PCLO: variants seen among roughly 807,000 people sequenced by gnomAD.
The protein encoded by PCLO is protein piccolo.
Under a neutral mutation model 427.5 loss-of-function variants are expected in PCLO, and 82 were observed. That is an observed-to-expected ratio of 0.19 (90% CI 0.16 to 0.23). The LOEUF is 0.23. PCLO is among the 10% of genes least tolerant of loss of function. The pLI is 1.00. For missense variants in PCLO, 6,239 were observed against 6,115.9 expected (o/e 1.02, Z -0.67); for synonymous variants, 2,357 against 2,155.4 (o/e 1.09, Z -2.59).
At chr7:83,118,729 G>T (rs540435054) in intron 3 of PCLO, among the ~76,000 whole-genome samples, 1 of 152,252 alleles carries the variant, frequency 6.6e-6, no homozygotes, top group African/African-American at 2.4e-5. Context: ...ACTACCAGTG[G>T]ACTAAAGTGC....
intron 3 of PCLO, among the ~76,000 whole-genome samples, chr7:82,978,757 TGAAATTTATTATGA>T (rs1355446891): frequency 1.3e-5 from 2 of 150,696 alleles, no homozygotes; most frequent in Non-Finnish European, 2.9e-5. Flanking sequence ...CTTAATAAAG[TGAAATTTATTATGA>T]GCTGTGGCAG....
rs1304084553 is a variant in PCLO at position 82,771,182 on chromosome 7, T to C, written c.15008-9689A>G. On this transcript the variant is annotated intron_variant, in intron 22 of 24. Transcript: ENST00000333891. The stretch of plus-strand genomic sequence containing the variant: ...AATTAGCCTGCTTATACAATGAAAA[T>C]TGTATGAAAATGGAGCCACTAGCTA... Among the ~76,000 whole-genome samples, 7 of 152,016 alleles carry C rather than the reference T, an allele frequency of 4.6e-5. No individual in the cohort carries two copies. The East Asian group carries it at 1.2e-3, about 25-fold the overall frequency.
intron 3 of PCLO, among the ~76,000 whole-genome samples, chr7:83,124,911 C>A (rs185935750): frequency 2.3e-4 from 35 of 152,270 alleles, no homozygotes; most frequent in South Asian, 1.0e-3. Flanking sequence ...CACGCCGCCA[C>A]GCCTGACTGG....
In PCLO at chr7:83,092,946, CA is replaced by C. The variant is rs10684707; in HGVS notation, c.3300+41303del. ...TGGGTGACAGAGCAAGACTCTGTCT[CA>C]AAAAAAAAAAAAAAAAAGAATGAAG... On this transcript the variant is annotated intron_variant, in intron 3 of 24. Transcript: ENST00000333891. 3.2e-3 allele frequency among the ~76,000 whole-genome samples: 288 copies of C among 89,622 alleles called. 1 individual carries two copies. Among genetic ancestry groups the C allele is most frequent in the Middle Eastern group, 0.017 (2 of 118 alleles). The allele number at this position is 89,622 out of a possible 152,430, so 58.8% of individuals were successfully genotyped here.
intron 20 of PCLO, among the ~76,000 whole-genome samples, 178 bp from the exon 21 acceptor site, chr7:82,806,007 AAATT>A (rs1349418692): frequency 6.6e-6 from 1 of 152,214 alleles, no homozygotes; most frequent in Non-Finnish European, 1.5e-5. Context: ...TGGCAACAAT[AAATT>A]ATTTTACTGT....
At chr7:83,143,708 C>G (rs946503756) in intron 2 of PCLO, among the ~76,000 whole-genome samples, 2 of 149,582 alleles carry the variant, frequency 1.3e-5, no homozygotes, top group African/African-American at 4.9e-5. Context: ...TTACAGTACA[C>G]GGACATGAAA....
intron 2 of PCLO, among the ~76,000 whole-genome samples, chr7:83,141,753 T>C (rs1333620125): frequency 6.6e-6 from 1 of 152,156 alleles, no homozygotes; most frequent in Non-Finnish European, 1.5e-5. Flanking sequence ...CCTATTTAGA[T>C]TTTTCAAAAA....
chr7:83,061,404 T>C (rs183887652), intron 3 of PCLO, among the ~76,000 whole-genome samples: 157 of 152,306 alleles, frequency 1.0e-3, no homozygotes, highest in Non-Finnish European at 1.9e-3. Flanking sequence ...GTTTGGATAA[T>C]CTTTAAAGTC....
At chr7:83,108,529 A>G (rs2116514193) in intron 3 of PCLO, among the ~76,000 whole-genome samples, 1 of 152,138 alleles carries the variant, frequency 6.6e-6, no homozygotes, top group African/African-American at 2.4e-5. Context: ...TATTTTAAAT[A>G]TAATATTGCT....
intron 3 of PCLO, among the ~76,000 whole-genome samples, chr7:83,056,086 A>C (rs982832360): frequency 1.3e-5 from 2 of 152,138 alleles, no homozygotes; most frequent in Non-Finnish European, 2.9e-5. Flanking sequence ...TTTTCAAAAA[A>C]GTATATGGGC....
At chr7:83,048,164 T>G (rs1470400888) in intron 3 of PCLO, among the ~76,000 whole-genome samples, 1 of 152,088 alleles carries the variant, frequency 6.6e-6, no homozygotes, top group Non-Finnish European at 1.5e-5. Context: ...TCATCTGTCT[T>G]GTTTTCCCAC....
At chr7:82,988,792 C>T (rs1384247098) in intron 3 of PCLO, among the ~76,000 whole-genome samples, 1 of 151,648 alleles carries the variant, frequency 6.6e-6, no homozygotes, top group Non-Finnish European at 1.5e-5. Context: ...ACATTTACTT[C>T]TCAAGGAGCA....
At chr7:82,845,688 G>A (rs1562814870) in intron 12 of PCLO, among the ~76,000 whole-genome samples, 1 of 152,082 alleles carries the variant, frequency 6.6e-6, no homozygotes, top group East Asian at 1.9e-4. Context: ...ACATAATGCT[G>A]AATTACAGAG....
chr7:82,942,437 G>A (rs1027043628), intron 6 of PCLO, among the ~76,000 whole-genome samples: 9 of 151,816 alleles, frequency 5.9e-5, no homozygotes, highest in Admixed American at 3.3e-4. Context: ...TTCTGGAAAG[G>A]GTAACACAAA....
intron 3 of PCLO, among the ~76,000 whole-genome samples, chr7:83,075,022 A>G (rs948068900): frequency 2.6e-5 from 4 of 152,140 alleles, no homozygotes; most frequent in African/African-American, 9.7e-5. Context: ...TCCAATAAAC[A>G]GTTGAATAAA....
chr7:82,860,542 T>C (rs1792926656), intron 10 of PCLO, among the ~76,000 whole-genome samples: 1 of 152,030 alleles, frequency 6.6e-6, no homozygotes, highest in African/African-American at 2.4e-5. Flanking sequence ...AGAGCTGTCC[T>C]ACAAGAGATG....
intron 3 of PCLO, among the ~76,000 whole-genome samples, chr7:83,079,304 A>G (rs143421677): frequency 1.2e-3 from 181 of 152,270 alleles, no homozygotes; most frequent in African/African-American, 4.1e-3. Flanking sequence ...CTATAAAAAT[A>G]AGCCAGAAAT....
chr7:83,074,562 T>G (rs954538716), intron 3 of PCLO, among the ~76,000 whole-genome samples: 2 of 152,144 alleles, frequency 1.3e-5, no homozygotes, highest in Non-Finnish European at 2.9e-5. Context: ...CATTAAAATC[T>G]TTTAAAGGAA....
intron 3 of PCLO, among the ~76,000 whole-genome samples, chr7:83,023,549 TA>T (rs1416416680): frequency 6.6e-6 from 1 of 152,150 alleles, no homozygotes; most frequent in African/African-American, 2.4e-5. Flanking sequence ...GATAGTTACA[TA>T]AAAAATTCAA....
Sources: allele counts gnomAD v4.1 joint callset (sites outside exome capture counted in the v4.1 genomes callset), GRCh38; gene constraint gnomAD v4.1.1; transcripts MANE v1.5; gene names NCBI Gene and HGNC (gene_info 2026-07-23, HGNC 2026-07-21).